Variants in EDARADD observed in about 807,000 individuals in gnomAD.
EDARADD encodes ectodysplasin-A receptor-associated adapter protein.
A neutral mutation model predicts 25.6 loss-of-function variants in EDARADD; 20 were observed. That is an observed-to-expected ratio of 0.78 (90% confidence interval 0.55 to 1.14). The LOEUF (loss-of-function observed/expected upper bound fraction) is 1.14. Ranked by LOEUF, EDARADD falls within the 50% of genes most tolerant of loss-of-function variation. EDARADD has a pLI of 0.00. For synonymous variants in EDARADD, 86 were observed against 94.4 expected (o/e 0.91, Z 0.52); for missense variants, 225 against 270.1 (o/e 0.83, Z 1.17).
upstream of EDARADD, among the ~76,000 whole-genome samples, chr1:236,393,473 G>GCAA (rs1423216532): frequency 7.9e-6 from 1 of 126,568 alleles, no homozygotes; most frequent in East Asian, 2.7e-4. Context: ...TCAGCTTACT[G>GCAA]CAACCTCCAC....
intron 5 of EDARADD, among the ~76,000 whole-genome samples, chr1:236,476,953 C>T (rs1051279999): frequency 4.0e-5 from 6 of 151,118 alleles, no homozygotes; most frequent in Non-Finnish European, 8.8e-5. Context: ...AATTGCAGCA[C>T]TGCACTCCAG....
In EDARADD at chr1:236,395,868, C is replaced by T. The variant is rs1028846560; in HGVS notation, c.61+1363C>T. ...CGCGAGCGGCTGCTGACCGCCCCTC[C>T]CGCGCTCGCCAGGGCCCCTGCCCCG... On this transcript the variant is annotated intron_variant, in intron 1 of 5. Coordinates refer to ENST00000334232, the MANE Select transcript of EDARADD (RefSeq NM_145861.4). This position sits in a 1 kb window ranked among gnomAD's most constrained non-coding sequence, Gnocchi z 6.9. 3.9e-5 allele frequency among the ~76,000 whole-genome samples: 6 copies of T among 152,128 alleles called. No homozygotes were observed. The highest frequency in any genetic ancestry group is 7.2e-5 in the African/African-American group (3 of 41,438).
At chr1:236,368,414 TCA>T (rs1667135740) in intron 3 of EDARADD, among the ~76,000 whole-genome samples, 1 of 150,780 alleles carries the variant, frequency 6.6e-6, no homozygotes, top group South Asian at 2.1e-4. Context: ...CTTTGTTCTC[TCA>T]CCCCAGCCCC....
chr1:236,478,447 G>GAT (rs921747492), intron 5 of EDARADD, among the ~76,000 whole-genome samples: 11 of 147,308 alleles, frequency 7.5e-5, no homozygotes, highest in East Asian at 4.0e-4. Context: ...ATATAAATAT[G>GAT]ATATATATAT....
Position 236,448,633 on chromosome 1 carries a change from G to GATC in EDARADD, c.220-19597_220-19596insTCA, listed in dbSNP as rs1402997688. Reference sequence around the variant, plus strand: ...TGAGGAAAACTATAAAAACTCTGATGAAAGAAATCAAATAACTAACTATAG... The same window carrying GATC: ...TGAGGAAAACTATAAAAACTCTGATGATCAAAGAAATCAAATAACTAACTATAG... On this transcript the variant is annotated intron_variant, in intron 4 of 5. Coordinates refer to ENST00000334232, the MANE Select transcript of EDARADD (RefSeq NM_145861.4). Among the ~76,000 whole-genome samples the GATC allele has an allele frequency of 5.3e-5, 8 of 152,286 alleles. No individual in the cohort carries two copies. In the East Asian group the frequency reaches 1.5e-3, roughly 29 times the overall value.
chr1:236,381,200 T>C (rs1443288838), intron 3 of EDARADD, among the ~76,000 whole-genome samples: 1 of 152,244 alleles, frequency 6.6e-6, no homozygotes, highest in Non-Finnish European at 1.5e-5. Context: ...CTGGCCTCTT[T>C]CACTCAGCAT....
At chr1:236,435,213 G>C (rs897511878) in intron 4 of EDARADD, among the ~76,000 whole-genome samples, 2 of 152,174 alleles carry the variant, frequency 1.3e-5, no homozygotes, top group East Asian at 1.9e-4. Context: ...ACTTACTCTT[G>C]GAGGTCAGAG....
At chr1:236,465,236 A>G (rs982594053) in intron 4 of EDARADD, among the ~76,000 whole-genome samples, 1 of 151,868 alleles carries the variant, frequency 6.6e-6, no homozygotes, top group Non-Finnish European at 1.5e-5. Flanking sequence ...CCAGGTGGGT[A>G]TTTCCTGTGC....
intron 5 of EDARADD, among the ~76,000 whole-genome samples, chr1:236,470,544 G>T (rs1413223744): frequency 6.6e-6 from 1 of 152,122 alleles, no homozygotes. Flanking sequence ...CAGGCTTCTG[G>T]TCATCTTCAA....
intron 3 of EDARADD, among the ~76,000 whole-genome samples, chr1:236,369,453 T>C: frequency 6.6e-6 from 1 of 152,262 alleles, no homozygotes; most frequent in East Asian, 1.9e-4. Flanking sequence ...ATCTGCCATT[T>C]TGGCTTCTGA....
At chr1:236,405,781 CTTT>C (rs1558112448) in intron 1 of EDARADD, among the ~76,000 whole-genome samples, 2,038 of 62,738 alleles carry the variant, frequency 0.032, 60 homozygotes, top group Non-Finnish European at 0.045. Context: ...TTCTTTCTTT[CTTT>C]CTTTCTTTTC....
chr1:236,438,052 C>G (rs1012406971), intron 4 of EDARADD, among the ~76,000 whole-genome samples: 3 of 152,164 alleles, frequency 2.0e-5, no homozygotes, highest in Admixed American at 6.5e-5. Context: ...AGGACCTGCT[C>G]CAGGCCTCTC....
chr1:236,447,251 CCTTTCTTT>C (rs56930680), intron 4 of EDARADD, among the ~76,000 whole-genome samples: 2 of 61,206 alleles, frequency 3.3e-5, no homozygotes, highest in East Asian at 3.7e-4. Flanking sequence ...TCCTTTCTTT[CCTTTCTTT>C]CTTTCTTTCT....
At chr1:236,404,117 G>A (rs944616822) in intron 1 of EDARADD, among the ~76,000 whole-genome samples, 15 of 152,156 alleles carry the variant, frequency 9.9e-5, no homozygotes, top group African/African-American at 3.4e-4. Flanking sequence ...ACGTGGCCCC[G>A]CTTCTCCTCT....
At chr1:236,402,848 G>A (rs903547181) in intron 1 of EDARADD, among the ~76,000 whole-genome samples, 1 of 152,202 alleles carries the variant, frequency 6.6e-6, no homozygotes, top group Non-Finnish European at 1.5e-5. Flanking sequence ...AAAAGGGGAT[G>A]CCTAATGCCT....
intron 2 of EDARADD, among the ~76,000 whole-genome samples, chr1:236,411,189 T>A (rs916031690): frequency 6.6e-6 from 1 of 152,268 alleles, no homozygotes; most frequent in African/African-American, 2.4e-5. Flanking sequence ...GGGGACAAAG[T>A]GATCTTTCCA....
chr1:236,367,440 G>A (rs183545357), intron 3 of EDARADD, among the ~76,000 whole-genome samples: 1 of 152,174 alleles, frequency 6.6e-6, no homozygotes, highest in African/African-American at 2.4e-5. Context: ...AATTGGCCAG[G>A]CTGGTCTCAA....
In EDARADD at chr1:236,371,509, C is replaced by T. The variant is rs573935340; in HGVS notation, c.-6+20670C>T. Among the ~76,000 whole-genome samples the T allele has an allele frequency of 2.6e-5, 4 of 151,638 alleles. No homozygotes were observed. In the East Asian group the frequency reaches 5.8e-4, roughly 22 times the overall value. On this transcript the variant is annotated intron_variant, in intron 3 of 7. Coordinates refer to the EDARADD transcript ENST00000439430. ...AAGACATCCTTGACTTGTTATTGAT[C>T]GTATCAGAAAACTTCTAGTTTCTCA...
intron 3 of EDARADD, among the ~76,000 whole-genome samples, chr1:236,351,231 T>C (rs985196737): frequency 6.6e-6 from 1 of 152,146 alleles, no homozygotes; most frequent in African/African-American, 2.4e-5. Context: ...CGGGAAGCAA[T>C]CTCAAGCTTG....
Sources: gnomAD v4.1 joint callset for allele counts (sites outside exome capture counted in the v4.1 genomes callset) on GRCh38, gnomAD v4.1.1 for gene constraint, Gnocchi (gnomAD v3.1) non-coding constraint, MANE v1.5 for transcripts, NCBI Gene and HGNC (gene_info 2026-07-23, HGNC 2026-07-21) for gene names.